Variants in RGS12 observed in about 807,000 individuals in gnomAD.
RGS12 encodes the protein regulator of G protein signaling 12.
Under a neutral mutation model 120.1 loss-of-function variants are expected in RGS12, and 66 were observed. The ratio of observed to expected loss-of-function variants is 0.55; its 90% CI spans 0.45 to 0.67. RGS12 has a LOEUF of 0.67. Among genes scored for constraint, RGS12 ranks in the 30% least tolerant of loss-of-function variants. The pLI is 0.00. For missense variants in RGS12, 1,859 were observed against 1,957.7 expected, an observed-to-expected ratio of 0.95 and a Z score of 0.95; for synonymous variants, 827 against 804.7, an observed-to-expected ratio of 1.03 and a Z score of -0.47.
At chr4:3,401,822 C>T (rs1177922236) in intron 4 of RGS12, among the ~76,000 whole-genome samples, 3 of 152,298 alleles carry the variant, frequency 2.0e-5, no homozygotes, top group Non-Finnish European at 4.4e-5. Flanking sequence ...TCACCTTAAA[C>T]TTGCCCACCC....
intron 2 of RGS12, among the ~76,000 whole-genome samples, chr4:3,323,757 G>A (rs2108701481): frequency 6.6e-6 from 1 of 152,148 alleles, no homozygotes; most frequent in South Asian, 2.1e-4. Context: ...TAGGTTCCTA[G>A]ATGTGGAATT....
At chr4:3,408,832 C>T (rs28647422) in intron 4 of RGS12, among the ~76,000 whole-genome samples, 9,281 of 152,230 alleles carry the variant, frequency 0.061, 938 homozygotes, top group African/African-American at 0.21. Context: ...TTGAGGCCCC[C>T]GCTTGCTGTG....
chr4:3,345,750 A>C (rs1713728431), intron 3 of RGS12, among the ~76,000 whole-genome samples: 1 of 152,262 alleles, frequency 6.6e-6, no homozygotes, highest in African/African-American at 2.4e-5. Context: ...TAAAAAATTT[A>C]TAAAGGGAAA....
intron 2 of RGS12, among the ~76,000 whole-genome samples, chr4:3,329,939 T>A (rs1445408662): frequency 6.6e-6 from 1 of 152,038 alleles, no homozygotes; most frequent in East Asian, 1.9e-4. Flanking sequence ...CTTTTGGGAG[T>A]CACTGATCTT....
At chr4:3,294,056 C>A (rs940729573) in intron 1 of RGS12, among the ~76,000 whole-genome samples, 2 of 43,606 alleles carry the variant, frequency 4.6e-5, no homozygotes, top group Non-Finnish European at 7.9e-5. Flanking sequence ...CCTGCTTGGT[C>A]ACTTGCTGGG....
intron 3 of RGS12, among the ~76,000 whole-genome samples, chr4:3,358,532 T>A (rs1715111831): frequency 1.3e-5 from 2 of 152,208 alleles, no homozygotes; most frequent in African/African-American, 4.8e-5. Context: ...AGTGTTTTTT[T>A]TTAAGTCATG....
chr4:3,416,918 CAATCT>C lies in RGS12; in HGVS notation c.2434_2438del (p.Asn812HisfsTer4). The C allele has an allele frequency of 6.3e-7, 1 of 1,597,858 alleles. No homozygotes were observed. Among genetic ancestry groups the C allele is most frequent in the Non-Finnish European group, 8.6e-7 (1 of 1,167,284 alleles). On this transcript the variant is annotated frameshift_variant, in exon 8 of 18. Coordinates refer to ENST00000336727, the MANE Select transcript of RGS12 (RefSeq NM_001394154.1). LOFTEE classifies it high-confidence loss of function. Reference sequence around the variant, plus strand: ...ACCTTACATCTTCTCCCCAGATCTTCAATCTCATGAAGTTTGATAGCTACACTCGC... The same window carrying C: ...ACCTTACATCTTCTCCCCAGATCTTCCATGAAGTTTGATAGCTACACTCGC...
rs113410633 is a variant in RGS12, at chr4:3,371,594, A to G, written c.1999-14822A>G. Among the ~76,000 whole-genome samples the G allele has an allele frequency of 4.3e-3, 651 of 152,186 alleles. 4 individuals carry two copies. The highest frequency in any genetic ancestry group is 7.1e-3 in the Non-Finnish European group (481 of 68,016). ...GCAGATAAGTTGTTCACGGGAGTGT[A>G]TTGGAATCTGGCTGATGTGGTCGTC... On this transcript the variant is annotated intron_variant, in intron 3 of 17. Coordinates refer to ENST00000336727, the MANE Select transcript of RGS12 (RefSeq NM_001394154.1).
At chr4:3,375,500 CCCTCATCTCCAG>C (rs1717579430) in intron 3 of RGS12, among the ~76,000 whole-genome samples, 6 of 76,358 alleles carry the variant, frequency 7.9e-5, no homozygotes, top group African/African-American at 3.1e-4. Context: ...TCATCTCCAG[CCCTCATCTCCAG>C]CCTCATCTCC....
intron 1 of RGS12, among the ~76,000 whole-genome samples, chr4:3,303,476 ACT>A (rs1287512009): frequency 6.6e-6 from 1 of 151,900 alleles, no homozygotes; most frequent in East Asian, 1.9e-4. Flanking sequence ...CTGTGCAGAT[ACT>A]CTGTCCCTGG....
chr4:3,295,507 A>G (rs545895134), intron 1 of RGS12, among the ~76,000 whole-genome samples: 3 of 152,138 alleles, frequency 2.0e-5, no homozygotes, highest in South Asian at 2.1e-4. Flanking sequence ...CTAAAAATAC[A>G]AAATTATTCG....
chr4:3,414,056 T>G lies in RGS12; in HGVS notation c.2021-16T>G, dbSNP rs1722053597. ...GGAGGGCAGGGGTGCAGGTGCTGTC[T>G]GTGCTGGTCCCGCAGAGTTGACGGG... On this transcript the variant is annotated splice_polypyrimidine_tract_variant and intron_variant, in intron 4 of 17. Coordinates refer to ENST00000336727, the MANE Select transcript of RGS12 (RefSeq NM_001394154.1). 6.5e-7 allele frequency: 1 copy of G among 1,537,574 alleles called. No individual in the cohort carries two copies. The highest frequency in any genetic ancestry group is 8.7e-7 in the Non-Finnish European group (1 of 1,143,756).
chr4:3,408,150 G>C (rs1378366997), intron 4 of RGS12, among the ~76,000 whole-genome samples: 1 of 152,218 alleles, frequency 6.6e-6, no homozygotes, highest in Non-Finnish European at 1.5e-5. Context: ...AGGCCAGTGA[G>C]TTACAGACGT....
chr4:3,420,849 C>A, intron 10 of RGS12, 131 bp downstream of exon 10: 1 of 842,572 alleles, frequency 1.2e-6, no homozygotes, highest in Non-Finnish European at 1.8e-6. Flanking sequence ...GGGGACAAGG[C>A]TCGGGTGCCG....
At chr4:3,298,983 A>G (rs1390270052) in intron 1 of RGS12, among the ~76,000 whole-genome samples, 1 of 152,180 alleles carries the variant, frequency 6.6e-6, no homozygotes, top group African/African-American at 2.4e-5. Flanking sequence ...GCTTCTTCCA[A>G]CTATGGGCCA....
chr4:3,430,543 A>G lies in RGS12; in HGVS notation c.3702A>G (p.Pro1234=), dbSNP rs373086138. The change falls in exon 17 of 18, where the codon CCA becomes CCG. Residue 1234 remains proline (P), a synonymous_variant. Coordinates refer to ENST00000336727, the MANE Select transcript of RGS12 (RefSeq NM_001394154.1). The stretch of plus-strand genomic sequence containing the variant: ...CCACAGAACTCACCCTCCCCACTCC[A>G]GCTGCTGTGGCCAAGGGCTTTAGCA... ...PGSTELTLPT[P]AAVAKGFSKR... 2 of 1,613,234 alleles carry G rather than the reference A, an allele frequency of 1.2e-6. No homozygotes were observed. The highest frequency in any genetic ancestry group is 1.7e-6 in the Non-Finnish European group (2 of 1,179,974).
intron 2 of RGS12, among the ~76,000 whole-genome samples, chr4:3,331,955 C>T (rs1357644240): frequency 3.3e-5 from 5 of 152,300 alleles, no homozygotes; most frequent in South Asian, 2.1e-4. Flanking sequence ...CCACGGCCAC[C>T]GAGTGCGCTC....
chr4:3,316,352 G>C lies in RGS12; in HGVS notation c.182G>C (p.Gly61Ala). ...SPADFVGLRA[G>A]DQILAVNEIN... ...GCGGATTTCGTGGGCCTCCGAGCTG[G>C]AGACCAGATACTTGCTGTCAATGAA... The change falls in exon 2 of 18, where the codon GGA (glycine) becomes GCA (alanine). Residue 61 changes from glycine (G) to alanine (A), a missense_variant. Coordinates refer to ENST00000336727, the MANE Select transcript of RGS12 (RefSeq NM_001394154.1). 1 of 1,614,192 alleles carries C rather than the reference G, an allele frequency of 6.2e-7. No homozygotes were observed. Among genetic ancestry groups the C allele is most frequent in the Non-Finnish European group, 8.5e-7 (1 of 1,180,050 alleles).
intron 1 of RGS12, among the ~76,000 whole-genome samples, chr4:3,294,736 G>C (rs1294352069): frequency 2.0e-5 from 3 of 152,202 alleles, no homozygotes. Flanking sequence ...CCTGAGGCTG[G>C]AACCTGCCAT....
Sources: allele counts gnomAD v4.1 joint callset (sites outside exome capture counted in the v4.1 genomes callset), GRCh38; gene constraint gnomAD v4.1.1; transcripts MANE v1.5; gene names NCBI Gene and HGNC (gene_info 2026-07-23, HGNC 2026-07-21).